The following RGL1 variants were observed in gnomAD, a reference collection of about 807,000 sequenced individuals.
RGL1 encodes ral guanine nucleotide dissociation stimulator like 1.
A neutral mutation model predicts 95.2 loss-of-function variants in RGL1; 24 were observed. The ratio of observed to expected loss-of-function variants is 0.25; its 90% CI spans 0.18 to 0.35. The LOEUF is 0.35. RGL1 is among the 10% of genes least tolerant of loss of function. RGL1 has a pLI of 1.00. For missense variants in RGL1, 715 were observed against 936.3 expected (o/e 0.76, Z 3.08); for synonymous variants, 329 against 344.9 (o/e 0.95, Z 0.51).
chr1:183,739,786 T>C (rs12760943), intron 1 of RGL1, among the ~76,000 whole-genome samples: 70,658 of 151,942 alleles, frequency 0.47, 17,358 homozygotes, highest in East Asian at 0.8. Flanking sequence ...TCTTCCCAAA[T>C]AGGGTGAGGA....
At chr1:183,659,148 G>T (rs6688731) in intron 1 of RGL1, among the ~76,000 whole-genome samples, 1 of 152,060 alleles carries the variant, frequency 6.6e-6, no homozygotes, top group African/African-American at 2.4e-5. Context: ...AAAGCAGAGC[G>T]CCTCTCCTCC....
At chr1:183,794,057 C>G (rs1044703164) in intron 2 of RGL1, among the ~76,000 whole-genome samples, 1 of 40,602 alleles carries the variant, frequency 2.5e-5, no homozygotes, top group South Asian at 5.1e-4. Flanking sequence ...AAAATGTGGA[C>G]ACACACACAC....
At chr1:183,648,405 G>A (rs1173884481) in intron 1 of RGL1, 4 of 1,614,096 alleles carry the variant, frequency 2.5e-6, no homozygotes, top group East Asian at 2.2e-5. Flanking sequence ...TTCATTACAA[G>A]GGGAGTTGTT....
At chr1:183,771,930 C>G (rs573885618) in intron 2 of RGL1, among the ~76,000 whole-genome samples, 3 of 152,102 alleles carry the variant, frequency 2.0e-5, no homozygotes, top group Non-Finnish European at 4.4e-5. Flanking sequence ...TGAGAGGACA[C>G]GGAGGGGAAC....
intron 1 of RGL1, among the ~76,000 whole-genome samples, chr1:183,700,990 G>A (rs1425526429): frequency 6.6e-6 from 1 of 152,142 alleles, no homozygotes; most frequent in Non-Finnish European, 1.5e-5. Flanking sequence ...CCACTTATGA[G>A]TGAGAACATG....
At chr1:183,728,547 A>G (rs1656440246) in intron 1 of RGL1, among the ~76,000 whole-genome samples, 2 of 109,992 alleles carry the variant, frequency 1.8e-5, no homozygotes, top group South Asian at 6.6e-4. Flanking sequence ...TGATGTTTAT[A>G]GATTGGAAGA....
chr1:183,853,630 G>A (rs145296784), intron 3 of RGL1, among the ~76,000 whole-genome samples: 1 of 152,230 alleles, frequency 6.6e-6, no homozygotes. Flanking sequence ...TCCCATGTTT[G>A]CTTGCCATGT....
upstream of RGL1, among the ~76,000 whole-genome samples, chr1:183,804,753 C>T (rs181663943): frequency 7.0e-4 from 106 of 152,306 alleles, 1 homozygote; most frequent in African/African-American, 2.5e-3. Context: ...TCTAGTATTG[C>T]GGCTCTCACT....
intron 7 of RGL1, among the ~76,000 whole-genome samples, chr1:183,885,407 C>T (rs184022649): frequency 6.6e-6 from 1 of 152,312 alleles, no homozygotes; most frequent in East Asian, 1.9e-4. Context: ...TCTTCAGAGT[C>T]CTGAATCTCT....
chr1:183,680,660 G>C (rs940144828), intron 1 of RGL1, among the ~76,000 whole-genome samples: 1 of 152,108 alleles, frequency 6.6e-6, no homozygotes, highest in African/African-American at 2.4e-5. Flanking sequence ...GGCTATACAG[G>C]CTCTTTTTTG....
chr1:183,840,712 TAAATAAATAAATAATA>T (rs746015873), intron 2 of RGL1, among the ~76,000 whole-genome samples: 1 of 62,582 alleles, frequency 1.6e-5, no homozygotes, highest in Non-Finnish European at 5.0e-5. Context: ...AATAAATAAA[TAAATAAATAAATAATA>T]AATAAATAAA....
intron 2 of RGL1, among the ~76,000 whole-genome samples, chr1:183,807,111 T>C (rs943299768): frequency 1.3e-4 from 20 of 152,098 alleles, no homozygotes; most frequent in African/African-American, 4.8e-4. Flanking sequence ...AAATATTGGG[T>C]GAGGTCATGC....
chr1:183,667,856 A>G (rs998491762), intron 1 of RGL1, among the ~76,000 whole-genome samples: 1 of 152,148 alleles, frequency 6.6e-6, no homozygotes, highest in Non-Finnish European at 1.5e-5. Context: ...TAGAGTTTGT[A>G]ATATTCATTT....
chr1:183,697,129 T>C (rs1267294806), intron 1 of RGL1, among the ~76,000 whole-genome samples: 2 of 152,182 alleles, frequency 1.3e-5, no homozygotes, highest in Non-Finnish European at 2.9e-5. Flanking sequence ...GCAGTCTTTT[T>C]GCTGTTCTTA....
chr1:183,797,647 G>C (rs1660766088), intron 2 of RGL1, among the ~76,000 whole-genome samples: 1 of 152,206 alleles, frequency 6.6e-6, no homozygotes, highest in African/African-American at 2.4e-5. Context: ...ACGGCTTACT[G>C]GTTAAGGAGT....
At chr1:183,831,805 A>G (rs1331718713) in intron 2 of RGL1, among the ~76,000 whole-genome samples, 1 of 152,222 alleles carries the variant, frequency 6.6e-6, no homozygotes, top group African/African-American at 2.4e-5. Flanking sequence ...AAATATGAAT[A>G]GTCTTTGCTC....
intron 2 of RGL1, among the ~76,000 whole-genome samples, chr1:183,750,662 AT>A (rs1657932837): frequency 6.6e-6 from 1 of 152,192 alleles, no homozygotes; most frequent in Non-Finnish European, 1.5e-5. Flanking sequence ...GAATTTCAGC[AT>A]TTTTGGGCTG....
intron 1 of RGL1, among the ~76,000 whole-genome samples, chr1:183,697,751 T>C (rs1654339703): frequency 6.6e-6 from 1 of 152,236 alleles, no homozygotes; most frequent in Non-Finnish European, 1.5e-5. Context: ...CATCTGCAGA[T>C]GTAGGTATCA....
chr1:183,721,224 CT>C (rs1655998625), intron 1 of RGL1, among the ~76,000 whole-genome samples: 1 of 152,162 alleles, frequency 6.6e-6, no homozygotes, highest in African/African-American at 2.4e-5. Context: ...TGGTTTCCTT[CT>C]TAAAATCTTA....
Sources: allele counts gnomAD v4.1 joint callset (sites outside exome capture counted in the v4.1 genomes callset), GRCh38; gene constraint gnomAD v4.1.1; transcripts MANE v1.5; gene names NCBI Gene and HGNC (gene_info 2026-07-23, HGNC 2026-07-21).